COL3A1: variants seen among roughly 807,000 people sequenced by gnomAD.
COL3A1 encodes collagen alpha-1(III) chain.
In COL3A1, 46 loss-of-function variants were observed where a neutral mutation model predicts 200.9. The observed-to-expected ratio is 0.23, with a 90% CI of 0.18 to 0.29. The LOEUF (loss-of-function observed/expected upper bound fraction) is 0.29. Among genes scored for constraint, COL3A1 ranks in the 10% least tolerant of loss-of-function variants. COL3A1 has a pLI of 1.00. For synonymous variants in COL3A1, 650 were observed against 628.0 expected (o/e 1.03, Z -0.52); for missense variants, 1,367 against 1,917.6 (o/e 0.71, Z 5.36).
intron 15 of COL3A1, among the ~76,000 whole-genome samples, 200 bp downstream of exon 15, chr2:188,993,140 CT>C (rs1688223509): frequency 1.3e-5 from 2 of 152,106 alleles, no homozygotes; most frequent in South Asian, 4.1e-4. Context: ...CTGCTACCTT[CT>C]TTTTTTCCCC....
At chr2:188,993,001 G>T in intron 15 of COL3A1, 61 bp downstream of exon 15, 1 of 1,503,902 alleles carries the variant, frequency 6.6e-7, no homozygotes, top group South Asian at 1.1e-5. Flanking sequence ...AAAAGCATTA[G>T]ATTGCTTCTT....
intron 15 of COL3A1, 66 bp downstream of exon 15, chr2:188,993,006 C>A (rs1688220709): frequency 1.4e-6 from 2 of 1,429,564 alleles, no homozygotes; most frequent in Non-Finnish European, 2.0e-6. Flanking sequence ...CATTAGATTG[C>A]TTCTTGCAAC....
At chr2:188,985,360 T>C in intron 3 of COL3A1, 113 bp downstream of exon 3, 1 of 854,682 alleles carries the variant, frequency 1.2e-6, no homozygotes, top group Non-Finnish European at 2.0e-6. Context: ...ACCACATATT[T>C]GAATAATGGC....
chr2:188,990,865 A>T, intron 10 of COL3A1, 139 bp from the exon 11 acceptor site: 1 of 864,094 alleles, frequency 1.2e-6, no homozygotes, highest in Non-Finnish European at 1.9e-6. Flanking sequence ...CAACCCCTTT[A>T]AACAAGTTTT....
Position 188,989,270 on chromosome 2 carries a change from C to A in COL3A1, c.637-126C>A. On this transcript the variant is annotated intron_variant, in intron 7 of 50. Coordinates refer to ENST00000304636, the MANE Select transcript of COL3A1 (RefSeq NM_000090.4). ...ATATTAACTCAGTAAGTATCATTTT[C>A]ATTATCAGAAACATTAAAAGTATTT... 4.5e-6 allele frequency: 3 copies of A among 673,410 alleles called. No individual in the cohort carries two copies. In the South Asian group the frequency reaches 6.0e-5, roughly 13 times the overall value. The allele number at this position is 673,410 out of a possible 1,614,324, so 41.7% of individuals were successfully genotyped here.
chr2:188,998,726 T>A lies in COL3A1; in HGVS notation c.2022+8T>A. 6.2e-7 allele frequency: 1 copy of A among 1,613,132 alleles called. No homozygotes were observed. The highest frequency in any genetic ancestry group is 8.5e-7 in the Non-Finnish European group (1 of 1,179,240). On this transcript the variant is annotated splice_region_variant and intron_variant, in intron 29 of 50. Coordinates refer to ENST00000304636, the MANE Select transcript of COL3A1 (RefSeq NM_000090.4). ...GGAGCTCCAGGAGGCAAGGTAGTAT[T>A]TCAATTTATTCTCTACCTTCTTCAG...
rs1688352531 is a variant in COL3A1, at chr2:188,997,379, C to T, written c.1859C>T (p.Pro620Leu). Residue 620 changes from proline to leucine, a missense_variant, in exon 26 of 51, where the codon CCA becomes CTA. Pro to Leu is a moderately conservative substitution (Grantham distance 98). Transcript: ENST00000304636. ...KNGETGPQGP[P>L]GPTGPGGDKG... is the part of the protein sequence containing the mutation. ...GGTGAAACTGGACCTCAGGGACCCC[C>T]AGGGCCTACTGTAAGTTCACTCATA... is the stretch of plus-strand genomic sequence containing the variant. The T allele has an allele frequency of 1.2e-6, 2 of 1,613,668 alleles. No homozygotes were observed. The highest frequency in any genetic ancestry group is 2.7e-5 in the African/African-American group (2 of 74,894).
At chr2:189,005,297 T>C in intron 40 of COL3A1, 53 bp from the exon 41 acceptor site, 1 of 1,451,256 alleles carries the variant, frequency 6.9e-7, no homozygotes, top group South Asian at 1.1e-5. Flanking sequence ...ATAACACCAT[T>C]TTAATTGATT....
At chr2:188,989,813 G>A (rs192275843) in intron 8 of COL3A1, among the ~76,000 whole-genome samples, 2 of 152,136 alleles carry the variant, frequency 1.3e-5, no homozygotes, top group Non-Finnish European at 2.9e-5. Context: ...CAATTCAATG[G>A]CATTCCTTCT....
rs2153502344 is a variant in COL3A1, at chr2:188,994,049, G to A, written c.1161G>A (p.Gly387=). ...AGAQGPPGPP[G]INGSPGGKGE... ...TTTTGTATACTTAGGGCCCTCCTGG[G>A]ATTAATGGTAGTCCTGGTGGTAAAG... is the stretch of plus-strand genomic sequence containing the variant. Residue 387 remains glycine (G), a synonymous_variant, in exon 17 of 51, where the codon GGG becomes GGA. Coordinates refer to ENST00000304636, the MANE Select transcript of COL3A1 (RefSeq NM_000090.4). The surrounding 1 kb of genome is among the most constrained non-coding windows in gnomAD (Gnocchi z 4.5). 1 of 1,614,060 alleles carries A rather than the reference G, an allele frequency of 6.2e-7. No individual in the cohort carries two copies. The highest frequency in any genetic ancestry group is 2.2e-5 in the East Asian group (1 of 44,872).
intron 34 of COL3A1, 68 bp from the exon 35 acceptor site, chr2:189,002,230 T>G: frequency 5.4e-5 from 67 of 1,241,622 alleles, no homozygotes; most frequent in Non-Finnish European, 7.6e-5. Flanking sequence ...GATGATAAGA[T>G]GACATTTCCT....
chr2:188,992,320 G>C (rs1031622012), intron 14 of COL3A1, 92 bp downstream of exon 14: 2 of 1,040,242 alleles, frequency 1.9e-6, no homozygotes, highest in East Asian at 2.6e-5. Context: ...TATACTCTTA[G>C]GTATATATAT....
Position 189,004,001 on chromosome 2 carries a change from G to C in COL3A1, c.2681G>C (p.Gly894Ala), listed in dbSNP as rs587779589. 1 of 1,612,252 alleles carries C rather than the reference G, an allele frequency of 6.2e-7. No individual in the cohort carries two copies. The highest frequency in any genetic ancestry group is 8.5e-7 in the Non-Finnish European group (1 of 1,179,570). Residue 894 changes from glycine (G) to alanine (A), a missense_variant, in exon 39 of 51, where the codon GGT (glycine) becomes GCT (alanine). Transcript: ENST00000304636. ...PGSNGNPGPP[G>A]PSGSPGKDGP... ...TTGTAGGGTAACCCAGGACCCCCAG[G>C]TCCCAGCGGTTCTCCAGGCAAGGAT...
In COL3A1 at chr2:188,994,862, A is replaced by C; in HGVS notation, c.1455+31A>C. 1 of 1,609,382 alleles carries C rather than the reference A, an allele frequency of 6.2e-7. No homozygotes were observed. Among genetic ancestry groups the C allele is most frequent in the South Asian group, 1.1e-5 (1 of 90,952 alleles). ...TTTTCCATGGGGCATCTAAAAGAAA[A>C]GCAGCATCACTGTCATCTAAATAAA... On this transcript the variant is annotated intron_variant, in intron 20 of 50. Transcript: ENST00000304636. The surrounding 1 kb of genome is among the most constrained non-coding windows in gnomAD (Gnocchi z 4.5).
rs730880063 is a variant in COL3A1 at position 188,997,395 on chromosome 2, T to G, written c.1869+6T>G. On this transcript the variant is annotated splice_donor_region_variant and intron_variant, in intron 26 of 50. Transcript: ENST00000304636. ...AGGGACCCCCAGGGCCTACTGTAAGTTCACTCATATAAAATTGGAGATGAA... is the reference window on the plus strand; with the variant it reads ...AGGGACCCCCAGGGCCTACTGTAAGGTCACTCATATAAAATTGGAGATGAA... 1.8e-5 allele frequency: 29 copies of G among 1,613,118 alleles called. No individual in the cohort carries two copies. The highest frequency in any genetic ancestry group is 2.3e-5 in the Non-Finnish European group (27 of 1,179,252).
chr2:188,978,787 T>A (rs955485839), intron 1 of COL3A1, among the ~76,000 whole-genome samples: 1 of 146,884 alleles, frequency 6.8e-6, no homozygotes, highest in East Asian at 2.0e-4. Flanking sequence ...GATCATATAG[T>A]GTAAAAAAAA....
intron 2 of COL3A1, 82 bp downstream of exon 2, chr2:188,985,044 G>A: frequency 1.4e-6 from 2 of 1,458,622 alleles, no homozygotes; most frequent in Non-Finnish European, 9.6e-7. Context: ...AGCCTAAAAG[G>A]GAATGAAAGT....
At position 188,997,375 on chromosome 2, in the gene COL3A1, C is replaced by A. The variant is rs780889214; in HGVS notation, c.1855C>A (p.Pro619Thr). 6.2e-7 allele frequency: 1 copy of A among 1,613,634 alleles called. No homozygotes were observed. Among genetic ancestry groups the A allele is most frequent in the East Asian group, 2.2e-5 (1 of 44,866 alleles). Residue 619 changes from proline to threonine, a missense_variant, in exon 26 of 51, where the codon CCC (proline) becomes ACC (threonine). By Grantham distance (38) the Pro-to-Thr change is conservative. Around this residue, in one of 5 missense-constraint regions of COL3A1, gnomAD observed 846 missense variants for 1,147.9 expected, o/e 0.74. Transcript: ENST00000304636. The stretch of plus-strand genomic sequence containing the variant: ...GAATGGTGAAACTGGACCTCAGGGA[C>A]CCCCAGGGCCTACTGTAAGTTCACT... ...GKNGETGPQG[P>T]PGPTGPGGDK...
chr2:188,999,075 CTT>C (rs1688392819), intron 29 of COL3A1, among the ~76,000 whole-genome samples: 1 of 152,232 alleles, frequency 6.6e-6, no homozygotes, highest in Non-Finnish European at 1.5e-5. Context: ...ACAGCTCACA[CTT>C]AACCAGACTA....
Sources: gnomAD v4.1 joint callset for allele counts (sites outside exome capture counted in the v4.1 genomes callset) on GRCh38, gnomAD v4.1.1 for gene constraint, gnomAD v4.1.1 regional missense constraint, Gnocchi (gnomAD v3.1) non-coding constraint, MANE v1.5 for transcripts, NCBI Gene and HGNC (gene_info 2026-07-23, HGNC 2026-07-21) for gene names.